The following TSNARE1 variants were observed in gnomAD, a reference collection of about 807,000 sequenced individuals.
The protein encoded by TSNARE1 is t-SNARE domain-containing protein 1.
Under a neutral mutation model 62.0 loss-of-function variants are expected in TSNARE1, and 49 were observed. The observed-to-expected ratio is 0.79, with a 90% CI of 0.63 to 1.00. The LOEUF (loss-of-function observed/expected upper bound fraction) is 1.00, where lower values mean the gene tolerates loss of function less well. Among genes scored for constraint, TSNARE1 ranks in the 50% least tolerant of loss-of-function variants. The pLI is 0.00. For synonymous variants in TSNARE1, 328 were observed against 294.4 expected, an observed-to-expected ratio of 1.11 and a Z score of -1.17; for missense variants, 755 against 700.1, an observed-to-expected ratio of 1.08 and a Z score of -0.88.
At position 142,225,175 on chromosome 8, in the gene TSNARE1, C is replaced by G. The variant is rs1397805303; in HGVS notation, c.*11+4298G>C. Among the ~76,000 whole-genome samples the G allele has an allele frequency of 6.6e-5, 10 of 151,658 alleles. No homozygotes were observed. The East Asian group carries it at 1.9e-3, about 29-fold the overall frequency. On this transcript the variant is annotated intron_variant, in intron 13 of 13. Coordinates refer to ENST00000524325, the MANE Select transcript of TSNARE1 (RefSeq NM_145003.5). Reference sequence around the variant, plus strand: ...CCCCCCTCCCCCCAGACCCTCCTCACCCATGCAGATGTGGACACGGCTTGC... The same window carrying G: ...CCCCCCTCCCCCCAGACCCTCCTCAGCCATGCAGATGTGGACACGGCTTGC...
intron 12 of TSNARE1, chr8:142,273,800 G>A (rs1355180706): frequency 1.0e-5 from 10 of 985,200 alleles, no homozygotes; most frequent in Admixed American, 6.2e-5. Context: ...TTCCAGCTGC[G>A]GCCCCCTTTT....
intron 6 of TSNARE1, among the ~76,000 whole-genome samples, chr8:142,325,269 G>A (rs1830035670): frequency 6.6e-6 from 1 of 152,192 alleles, no homozygotes; most frequent in Non-Finnish European, 1.5e-5. Context: ...GGGTCATGCT[G>A]GGCGGACCTG....
chr8:142,264,827 T>A (rs911312978), intron 12 of TSNARE1, among the ~76,000 whole-genome samples: 3 of 152,184 alleles, frequency 2.0e-5, no homozygotes, highest in Non-Finnish European at 4.4e-5. Context: ...AAGGTGTTAT[T>A]TTTTCCTCCA....
chr8:142,309,465 CCTT>C (rs1481286588), intron 9 of TSNARE1, among the ~76,000 whole-genome samples: 2 of 152,302 alleles, frequency 1.3e-5, no homozygotes, highest in East Asian at 3.9e-4. Flanking sequence ...TTTTTAGCCT[CCTT>C]GAGTGCTGAA....
At chr8:142,223,039 C>CTCACTCATTCACTCAT (rs1563756569) in intron 13 of TSNARE1, among the ~76,000 whole-genome samples, 1 of 92,422 alleles carries the variant, frequency 1.1e-5, no homozygotes, top group Non-Finnish European at 2.4e-5. Flanking sequence ...CACTCATTCA[C>CTCACTCATTCACTCAT]TCACTCACTC....
chr8:142,214,456 T>C (rs1815735569), intron 13 of TSNARE1, among the ~76,000 whole-genome samples: 1 of 152,144 alleles, frequency 6.6e-6, no homozygotes, highest in East Asian at 1.9e-4. Flanking sequence ...CTCGGGATAG[T>C]TCTCCAGTCA....
At chr8:142,278,086 C>G (rs1820791548) in intron 11 of TSNARE1, 1 of 985,282 alleles carries the variant, frequency 1.0e-6, no homozygotes, top group Admixed American at 6.1e-5. Flanking sequence ...AGATCCTCCT[C>G]CAGCCCCACC....
intron 12 of TSNARE1, among the ~76,000 whole-genome samples, chr8:142,236,125 G>A (rs879535193): frequency 9.2e-5 from 14 of 152,296 alleles, no homozygotes; most frequent in Non-Finnish European, 1.3e-4. Context: ...CAGTTTCCCC[G>A]GTCAGTTTCC....
chr8:142,279,830 G>A (rs921268649), intron 11 of TSNARE1: 8 of 1,009,636 alleles, frequency 7.9e-6, no homozygotes, highest in East Asian at 1.1e-4. Flanking sequence ...TGTGGTCCGG[G>A]GGGGCGGGCT....
chr8:142,363,169 G>C (rs960004827), intron 1 of TSNARE1, among the ~76,000 whole-genome samples: 1 of 152,128 alleles, frequency 6.6e-6, no homozygotes, highest in Non-Finnish European at 1.5e-5. Context: ...GTATCTACTG[G>C]GGATGGCCCT....
At chr8:142,244,289 T>C (rs1817789322) in intron 12 of TSNARE1, among the ~76,000 whole-genome samples, 1 of 152,218 alleles carries the variant, frequency 6.6e-6, no homozygotes, top group Non-Finnish European at 1.5e-5. Flanking sequence ...TGGCTGACTA[T>C]ACACTCAATT....
intron 1 of TSNARE1, among the ~76,000 whole-genome samples, chr8:142,357,176 AG>A (rs1354841047): frequency 6.6e-6 from 1 of 152,226 alleles, no homozygotes; most frequent in Non-Finnish European, 1.5e-5. Flanking sequence ...CGTCAGGAAC[AG>A]CATTCACACT....
chr8:142,238,201 T>G (rs1817529226), intron 12 of TSNARE1, among the ~76,000 whole-genome samples: 1 of 151,830 alleles, frequency 6.6e-6, no homozygotes, highest in Non-Finnish European at 1.5e-5. Context: ...CGGCCTACAT[T>G]CCCCACCCTC....
chr8:142,399,629 C>T (rs1168151151), intron 1 of TSNARE1, among the ~76,000 whole-genome samples: 1 of 152,206 alleles, frequency 6.6e-6, no homozygotes, highest in Non-Finnish European at 1.5e-5. Context: ...AACTCTCTCA[C>T]TCACTCCTTC....
At chr8:142,278,874 G>A in intron 11 of TSNARE1, 1 of 896,886 alleles carries the variant, frequency 1.1e-6, no homozygotes, top group Non-Finnish European at 1.3e-6. Context: ...GCGTGGGGCG[G>A]GGAAGAGTCA....
chr8:142,233,216 G>A (rs1382860342), intron 12 of TSNARE1, among the ~76,000 whole-genome samples: 1 of 152,242 alleles, frequency 6.6e-6, no homozygotes, highest in Admixed American at 6.5e-5. Context: ...AAATATCACT[G>A]TGTCTGGAGG....
At chr8:142,267,198 T>A (rs1245354951) in intron 12 of TSNARE1, among the ~76,000 whole-genome samples, 1 of 152,242 alleles carries the variant, frequency 6.6e-6, no homozygotes, top group Non-Finnish European at 1.5e-5. Flanking sequence ...GCTTTCCCCA[T>A]TACAGACCAA....
chr8:142,377,083 C>A (rs1227256481), intron 1 of TSNARE1, among the ~76,000 whole-genome samples: 2 of 152,244 alleles, frequency 1.3e-5, no homozygotes, highest in Non-Finnish European at 2.9e-5. Context: ...CATGGCAGCA[C>A]CCTCAGAGCC....
chr8:142,256,220 TCACTATCAC>T (rs1818534022), intron 12 of TSNARE1, among the ~76,000 whole-genome samples: 2 of 71,314 alleles, frequency 2.8e-5, no homozygotes, highest in African/African-American at 5.5e-5. Context: ...ACCATCACCA[TCACTATCAC>T]CACCACCACC....
Sources: allele counts gnomAD v4.1 joint callset (sites outside exome capture counted in the v4.1 genomes callset), GRCh38; gene constraint gnomAD v4.1.1; transcripts MANE v1.5; gene names NCBI Gene and HGNC (gene_info 2026-07-23, HGNC 2026-07-21).